The following WDR72 variants were observed in gnomAD, a reference collection of about 807,000 sequenced individuals.
The protein encoded by WDR72 is WD repeat domain 72, also known as WD repeat-containing protein 72.
WDR72 carries 120 observed loss-of-function variants against 124.2 expected under a neutral mutation model. The ratio of observed to expected loss-of-function variants is 0.97; its 90% CI spans 0.83 to 1.12. The LOEUF (loss-of-function observed/expected upper bound fraction) is 1.12, where lower values mean the gene tolerates loss of function less well. Ranked by LOEUF, WDR72 falls within the 50% of genes most tolerant of loss-of-function variation. The pLI, the probability that WDR72 is intolerant of heterozygous loss-of-function variation, is 0.00. For synonymous variants in WDR72, 452 were observed against 441.7 expected, an observed-to-expected ratio of 1.02 and a Z score of -0.29; for missense variants, 1,387 against 1,278.8, an observed-to-expected ratio of 1.08 and a Z score of -1.29.
At chr15:53,552,869 C>T (rs543987021) in intron 18 of WDR72, among the ~76,000 whole-genome samples, 4 of 152,148 alleles carry the variant, frequency 2.6e-5, no homozygotes, top group Admixed American at 6.6e-5. Context: ...TGACTACCCA[C>T]ACTCAGGGGC....
At chr15:53,718,891 A>C (rs2017794445) in intron 3 of WDR72, among the ~76,000 whole-genome samples, 2 of 146,692 alleles carry the variant, frequency 1.4e-5, no homozygotes, top group Admixed American at 1.3e-4. Context: ...AATGAAAAGA[A>C]AACAGCAGAT....
intron 2 of WDR72, among the ~76,000 whole-genome samples, chr15:53,723,537 C>A (rs2017936563): frequency 6.6e-6 from 1 of 152,104 alleles, no homozygotes; most frequent in Non-Finnish European, 1.5e-5. Context: ...AATATGGAAA[C>A]AATCTAAGTG....
At chr15:53,602,564 T>A (rs1906395) in intron 17 of WDR72, among the ~76,000 whole-genome samples, 127,168 of 151,266 alleles carry the variant, frequency 0.84, 53,641 homozygotes, top group Middle Eastern at 0.93. Context: ...TTTTGGAAAA[T>A]AAAATAAAAT....
chr15:53,629,799 G>T (rs1414400111), intron 14 of WDR72, among the ~76,000 whole-genome samples: 1 of 152,048 alleles, frequency 6.6e-6, no homozygotes, highest in African/African-American at 2.4e-5. Flanking sequence ...TGGCAATCAT[G>T]GTAGCTATGA....
chr15:53,736,906 GAGTT>G (rs1414329504), intron 1 of WDR72, among the ~76,000 whole-genome samples: 2 of 151,920 alleles, frequency 1.3e-5, no homozygotes, highest in African/African-American at 2.4e-5. Flanking sequence ...TAGAAAAAAA[GAGTT>G]AGAAATATGG....
At chr15:53,665,328 G>C (rs997448959) in intron 14 of WDR72, among the ~76,000 whole-genome samples, 4 of 152,014 alleles carry the variant, frequency 2.6e-5, no homozygotes, top group Non-Finnish European at 5.9e-5. Flanking sequence ...TAGGATTCAA[G>C]GGTTAATATA....
At position 53,597,285 on chromosome 15, in the gene WDR72, T is replaced by G; in HGVS notation, c.2953-11A>C. The G allele has an allele frequency of 6.2e-7, 1 of 1,611,358 alleles. No individual in the cohort carries two copies. Among genetic ancestry groups the G allele is most frequent in the Non-Finnish European group, 8.5e-7 (1 of 1,178,196 alleles). ...TATTGCTTCAGTTACCTGTAAGGTA[T>G]TTTTTTAAGTGAATTATTTTTAGTA... On this transcript the variant is annotated splice_polypyrimidine_tract_variant and intron_variant, in intron 17 of 19. Coordinates refer to ENST00000360509, the MANE Select transcript of WDR72 (RefSeq NM_182758.4).
chr15:53,613,595 A>G, intron 16 of WDR72, 71 bp downstream of exon 16: 1 of 976,704 alleles, frequency 1.0e-6, no homozygotes, highest in Non-Finnish European at 1.6e-6. Flanking sequence ...CTAACCAGTT[A>G]TAGAAAGACT....
chr15:53,682,941 T>C (rs746419206), intron 13 of WDR72, among the ~76,000 whole-genome samples: 1 of 152,190 alleles, frequency 6.6e-6, no homozygotes, highest in African/African-American at 2.4e-5. Flanking sequence ...TTGACTCACA[T>C]TTCTTTATGA....
intron 18 of WDR72, among the ~76,000 whole-genome samples, chr15:53,528,656 GTTA>G (rs1399080992): frequency 6.6e-6 from 1 of 151,950 alleles, no homozygotes; most frequent in African/African-American, 2.4e-5. Flanking sequence ...GAGAATTTAA[GTTA>G]TTATTTCATT....
At chr15:53,533,750 C>T (rs537977287) in intron 18 of WDR72, among the ~76,000 whole-genome samples, 70 of 152,264 alleles carry the variant, frequency 4.6e-4, no homozygotes, top group Admixed American at 7.2e-4. Context: ...TTTGTGCCTC[C>T]GCACAGATGC....
intron 13 of WDR72, among the ~76,000 whole-genome samples, chr15:53,699,450 A>G (rs1280929507): frequency 1.3e-5 from 2 of 152,186 alleles, no homozygotes; most frequent in Admixed American, 6.5e-5. Context: ...GTAGGACACT[A>G]AATTTCTCTC....
chr15:53,615,464 T>G lies in WDR72; in HGVS notation c.2742A>C (p.Leu914Phe). The change falls in exon 15 of 20, where the codon TTA (leucine) becomes TTC (phenylalanine). Residue 914 changes from leucine to phenylalanine, a missense_variant. Physicochemically the swap from Leu to Phe is conservative, Grantham distance 22. Coordinates refer to ENST00000360509, the MANE Select transcript of WDR72 (RefSeq NM_182758.4). ...ATGCCAATTCTAAAGGCATGTTAAC[T>G]AATTTATTAACTAAAAATAGTCTGC... ...LLSRLFLVNK[L>F]VNMPLELACR... The G allele has an allele frequency of 6.2e-7, 1 of 1,611,976 alleles. No individual in the cohort carries two copies. Among genetic ancestry groups the G allele is most frequent in the Non-Finnish European group, 8.5e-7 (1 of 1,179,004 alleles).
intron 14 of WDR72, among the ~76,000 whole-genome samples, chr15:53,650,219 T>C (rs1029331008): frequency 6.6e-6 from 1 of 152,168 alleles, no homozygotes; most frequent in South Asian, 2.1e-4. Flanking sequence ...TACACCAATA[T>C]GCAATATCTG....
intron 18 of WDR72, among the ~76,000 whole-genome samples, chr15:53,592,783 A>ATAAAG (rs3081223): frequency 0.12 from 18,372 of 152,044 alleles, 1,573 homozygotes; most frequent in African/African-American, 0.24. Context: ...AACATTCAAA[A>ATAAAG]TAAAGGGAAA....
chr15:53,762,436 C>A (rs921487842), upstream of WDR72, among the ~76,000 whole-genome samples: 1 of 152,196 alleles, frequency 6.6e-6, no homozygotes, highest in Non-Finnish European at 1.5e-5. Flanking sequence ...CCCTGCTTGA[C>A]TGTAAGCTCT....
intron 19 of WDR72, among the ~76,000 whole-genome samples, chr15:53,521,011 T>C (rs1018871575): frequency 1.3e-5 from 2 of 152,062 alleles, no homozygotes; most frequent in African/African-American, 4.8e-5. Flanking sequence ...ATAATTCATG[T>C]CACTGCCTCT....
intron 17 of WDR72, among the ~76,000 whole-genome samples, chr15:53,607,172 C>T (rs1390766011): frequency 2.6e-5 from 4 of 151,798 alleles, no homozygotes; most frequent in South Asian, 2.1e-4. Context: ...CCAAAAGTAG[C>T]CTTAAAGGAG....
rs564555302 is a variant in WDR72, at chr15:53,696,922, G to A, written c.1765+2828C>T. ...ACAGGGTGTTGTAAGGCTCAAATGA[G>A]GTGGTCAATGGGATTGTGTCTAAAG... On this transcript the variant is annotated intron_variant, in intron 13 of 19. Coordinates refer to ENST00000360509, the MANE Select transcript of WDR72 (RefSeq NM_182758.4). Among the ~76,000 whole-genome samples, 30 of 152,346 alleles carry A rather than the reference G, an allele frequency of 2.0e-4. 1 individual carries two copies. In the East Asian group the frequency reaches 5.6e-3, roughly 28 times the overall value.
Sources: allele counts gnomAD v4.1 joint callset (sites outside exome capture counted in the v4.1 genomes callset), GRCh38; gene constraint gnomAD v4.1.1; transcripts MANE v1.5; gene names NCBI Gene and HGNC (gene_info 2026-07-23, HGNC 2026-07-21).